Variants in THSD7A observed in about 807,000 individuals in gnomAD.
THSD7A encodes thrombospondin type-1 domain-containing protein 7A.
Under a neutral mutation model 231.3 loss-of-function variants are expected in THSD7A, and 96 were observed. The observed-to-expected ratio is 0.41, with a 90% CI of 0.35 to 0.49. The LOEUF is 0.49. Among genes scored for constraint, THSD7A ranks in the 20% least tolerant of loss-of-function variants. THSD7A has a pLI of 0.05. For synonymous variants in THSD7A, 940 were observed against 743.3 expected (o/e 1.26, Z -4.30); for missense variants, 2,290 against 2,070.2 (o/e 1.11, Z -2.06).
intron 2 of THSD7A, among the ~76,000 whole-genome samples, chr7:11,618,622 AC>A (rs1232491932): frequency 5.3e-5 from 8 of 151,830 alleles, no homozygotes; most frequent in African/African-American, 1.9e-4. Context: ...CACAGGTGAA[AC>A]CCCGTCTCTA....
At chr7:11,643,228 G>A (rs887655655) in intron 1 of THSD7A, among the ~76,000 whole-genome samples, 11 of 152,156 alleles carry the variant, frequency 7.2e-5, no homozygotes, top group Admixed American at 3.9e-4. Flanking sequence ...ACTTTACTAA[G>A]ATCAAGGAGT....
chr7:11,481,007 C>G (rs1426709230), intron 7 of THSD7A, among the ~76,000 whole-genome samples: 1 of 152,060 alleles, frequency 6.6e-6, no homozygotes, highest in East Asian at 1.9e-4. Flanking sequence ...TATGAACAAA[C>G]TTGATTTACT....
At chr7:11,564,453 C>A (rs929487595) in intron 4 of THSD7A, among the ~76,000 whole-genome samples, 2 of 152,210 alleles carry the variant, frequency 1.3e-5, no homozygotes, top group Non-Finnish European at 2.9e-5. Flanking sequence ...CTGCCCTTGC[C>A]TTCAGTCTTC....
intron 19 of THSD7A, chr7:11,410,645 T>TAATCA (rs1783751885): frequency 6.6e-6 from 1 of 152,238 alleles, no homozygotes; most frequent in African/African-American, 2.4e-5. Context: ...GACATTACTT[T>TAATCA]AATCAATTAG....
chr7:11,646,541 T>C (rs957548457), intron 1 of THSD7A, among the ~76,000 whole-genome samples: 6 of 152,018 alleles, frequency 3.9e-5, no homozygotes, highest in African/African-American at 1.4e-4. Context: ...CACTAAGAAC[T>C]GCATAACATT....
intron 1 of THSD7A, among the ~76,000 whole-genome samples, chr7:11,687,423 GAC>G (rs141896978): frequency 1.1e-3 from 166 of 151,530 alleles, no homozygotes; most frequent in African/African-American, 2.7e-3. Flanking sequence ...AAATGAAACT[GAC>G]ACACACACAC....
rs778339767 is a variant in THSD7A, at chr7:11,636,807, G to A, written c.345C>T (p.Cys115=). ...AGTCGTACAACTCTTTGTGCCAATC[G>A]CAAACTTTGAAACAATTCTGCTGGT... ...PNNQQNCFKV[C]DWHKELYDWR... Residue 115 remains cysteine (C), a synonymous_variant, in exon 2 of 28, where the codon TGC becomes TGT. Coordinates refer to ENST00000423059, the MANE Select transcript of THSD7A (RefSeq NM_015204.3). This position sits in a 1 kb window ranked among gnomAD's most constrained non-coding sequence, Gnocchi z 10.0. 17 of 1,613,856 alleles carry A rather than the reference G, an allele frequency of 1.1e-5. No individual in the cohort carries two copies. The highest frequency in any genetic ancestry group is 6.7e-5 in the East Asian group (3 of 44,878).
At chr7:11,463,718 G>A (rs1785591937) in intron 9 of THSD7A, among the ~76,000 whole-genome samples, 1 of 152,118 alleles carries the variant, frequency 6.6e-6, no homozygotes, top group African/African-American at 2.4e-5. Flanking sequence ...TGAAAATATT[G>A]TCATGGACTT....
intron 1 of THSD7A, among the ~76,000 whole-genome samples, chr7:11,763,554 T>C (rs1782932378): frequency 6.6e-6 from 1 of 152,154 alleles, no homozygotes; most frequent in Non-Finnish European, 1.5e-5. Flanking sequence ...ATTTTACATA[T>C]ACCTAAATCT....
intron 24 of THSD7A, among the ~76,000 whole-genome samples, chr7:11,381,451 A>ATAAAGATGGATAGTTTT (rs1220467687): frequency 3.3e-5 from 5 of 152,208 alleles, no homozygotes; most frequent in African/African-American, 1.2e-4. Flanking sequence ...AAAATTCAAT[A>ATAAAGATGGATAGTTTT]TAAAGATGGA....
chr7:11,428,944 T>C lies in THSD7A; in HGVS notation c.3243+3A>G, dbSNP rs1370388133. On this transcript the variant is annotated splice_donor_region_variant and intron_variant, in intron 14 of 27. Coordinates refer to ENST00000423059, the MANE Select transcript of THSD7A (RefSeq NM_015204.3). Reference sequence around the variant, plus strand: ...TCTTAACACTGTCAATGATAGAAAATACCTGGTTGACATGGTCCAGTTTGG... The same window carrying C: ...TCTTAACACTGTCAATGATAGAAAACACCTGGTTGACATGGTCCAGTTTGG... 1 of 1,601,406 alleles carries C rather than the reference T, an allele frequency of 6.2e-7. No individual in the cohort carries two copies. The highest frequency in any genetic ancestry group is 8.5e-7 in the Non-Finnish European group (1 of 1,175,446).
chr7:11,697,518 A>G (rs1780439344), intron 1 of THSD7A, among the ~76,000 whole-genome samples: 1 of 151,288 alleles, frequency 6.6e-6, no homozygotes, highest in Admixed American at 6.6e-5. Flanking sequence ...TTCTTGAATG[A>G]GTATCAAGAC....
At chr7:11,491,826 G>A (rs971898212) in intron 6 of THSD7A, among the ~76,000 whole-genome samples, 1 of 152,022 alleles carries the variant, frequency 6.6e-6, no homozygotes, top group Non-Finnish European at 1.5e-5. Context: ...CACTAAGGAA[G>A]CTTATGAGTT....
intron 16 of THSD7A, 131 bp from the exon 17 acceptor site, chr7:11,417,734 A>C (rs888368275): frequency 1.1e-5 from 10 of 886,434 alleles, no homozygotes; most frequent in Non-Finnish European, 1.6e-5. Context: ...GGTGGGGAGT[A>C]GGAAGCTTTG....
chr7:11,538,865 A>T (rs1489787482), intron 6 of THSD7A, among the ~76,000 whole-genome samples: 8 of 152,194 alleles, frequency 5.3e-5, no homozygotes, highest in African/African-American at 1.9e-4. Flanking sequence ...AGCAGCAGCA[A>T]ATCTTAATGA....
Position 11,593,429 on chromosome 7 carries a change from A to G in THSD7A, c.1096T>C (p.Trp366Arg), listed in dbSNP as rs748191416. Residue 366 changes from tryptophan (W) to arginine (R), a missense_variant, in exon 3 of 28, where the codon TGG (tryptophan) becomes CGG (arginine). Physicochemically the swap from Trp to Arg is moderately radical, Grantham distance 101. Coordinates refer to ENST00000423059, the MANE Select transcript of THSD7A (RefSeq NM_015204.3). ...TTTGAGCAGGGGCTCCACTCTGACC[A>G]CTCGGAAACCTGGCACTCTTTGGTG... ...VITKECQVSE[W>R]SEWSPCSKTC... The G allele has an allele frequency of 6.2e-7, 1 of 1,613,840 alleles. No homozygotes were observed. Among genetic ancestry groups the G allele is most frequent in the Non-Finnish European group, 8.5e-7 (1 of 1,179,896 alleles).
At chr7:11,769,951 C>A (rs963839150) in intron 1 of THSD7A, among the ~76,000 whole-genome samples, 1 of 152,002 alleles carries the variant, frequency 6.6e-6, no homozygotes, top group Non-Finnish European at 1.5e-5. Context: ...TTATTCTAAT[C>A]TTAAATTTCA....
intron 1 of THSD7A, chr7:11,821,377 C>T (rs1784868000): frequency 2.0e-6 from 1 of 503,370 alleles, no homozygotes; most frequent in Non-Finnish European, 3.7e-6. Context: ...TATCTCTTCT[C>T]CCTTGCCCTG....
chr7:11,703,585 C>G (rs1291058747), intron 1 of THSD7A, among the ~76,000 whole-genome samples: 1 of 151,166 alleles, frequency 6.6e-6, no homozygotes, highest in Non-Finnish European at 1.5e-5. Flanking sequence ...TACTGCTATA[C>G]AGTAGTGTAA....
Sources: gnomAD v4.1 joint callset for allele counts (sites outside exome capture counted in the v4.1 genomes callset) on GRCh38, gnomAD v4.1.1 for gene constraint, Gnocchi (gnomAD v3.1) non-coding constraint, MANE v1.5 for transcripts, NCBI Gene and HGNC (gene_info 2026-07-23, HGNC 2026-07-21) for gene names.